The following SVEP1 variants were observed in gnomAD, a reference collection of about 807,000 sequenced individuals.
SVEP1 encodes the protein sushi, von Willebrand factor type A, EGF and pentraxin domain-containing protein 1.
A neutral mutation model predicts 367.3 loss-of-function variants in SVEP1; 164 were observed. The observed-to-expected ratio is 0.45, with a 90% CI of 0.39 to 0.51. The LOEUF is 0.51. SVEP1 is among the 20% of genes least tolerant of loss of function. The pLI, the probability that SVEP1 is intolerant of heterozygous loss-of-function variation, is 0.00. For synonymous variants in SVEP1, 1,666 were observed against 1,611.6 expected (o/e 1.03, Z -0.81); for missense variants, 4,117 against 4,425.3 (o/e 0.93, Z 1.98).
intron 3 of SVEP1, among the ~76,000 whole-genome samples, chr9:110,526,511 T>A (rs1829941179): frequency 6.6e-6 from 1 of 151,864 alleles, no homozygotes; most frequent in Admixed American, 6.6e-5. Flanking sequence ...ATAGCTAAAA[T>A]GAAAAATAGT....
intron 8 of SVEP1, among the ~76,000 whole-genome samples, chr9:110,491,158 CTGTT>C (rs1464291215): frequency 6.6e-6 from 1 of 151,662 alleles, no homozygotes; most frequent in Non-Finnish European, 1.5e-5. Context: ...CTGCATCATT[CTGTT>C]TATTTTTATT....
intron 18 of SVEP1, among the ~76,000 whole-genome samples, chr9:110,462,003 C>T (rs547764749): frequency 1.3e-5 from 2 of 152,206 alleles, no homozygotes; most frequent in South Asian, 4.1e-4. Context: ...AACTTACACA[C>T]AGCTAATTAG....
At chr9:110,509,400 T>C (rs187143687) in intron 5 of SVEP1, among the ~76,000 whole-genome samples, 22 of 152,358 alleles carry the variant, frequency 1.4e-4, no homozygotes, top group African/African-American at 1.9e-4. Context: ...CTTTGTATAC[T>C]GGTAAGTTAG....
At chr9:110,477,959 T>C (rs1252502513) in intron 13 of SVEP1, among the ~76,000 whole-genome samples, 1 of 152,160 alleles carries the variant, frequency 6.6e-6, no homozygotes, top group Non-Finnish European at 1.5e-5. Flanking sequence ...ATAGTGACTT[T>C]CAAGGCTCTC....
Position 110,408,422 on chromosome 9 carries a change from A to G in SVEP1, c.7178T>C (p.Ile2393Thr). 6.2e-7 allele frequency: 1 copy of G among 1,613,974 alleles called. No individual in the cohort carries two copies. Among genetic ancestry groups the G allele is most frequent in the Non-Finnish European group, 8.5e-7 (1 of 1,179,878 alleles). Reference protein sequence around the residue: ...PPPLISFGVPIPSSALHFGST... With the variant: ...PPPLISFGVPTPSSALHFGST... ...TCCAAAATGAAGAGCAGAAGAAGGA[A>G]TGGGGACACCAAAGGAAATTAGGGG... The change falls in exon 38 of 48, where the codon ATT becomes ACT. Residue 2393 changes from isoleucine to threonine, a missense_variant. Around this residue, in one of 4 missense-constraint regions of SVEP1, gnomAD observed 1,765 missense variants for 1,781.1 expected, o/e 0.99. Transcript: ENST00000374469.
rs558362408 is a variant in SVEP1 at position 110,416,402 on chromosome 9, C to A, written c.5976-4667G>T. ...AACAATGGACATATTCAAAAACAGGCTACAGATATTAGAAGAAAAATCAGT... is the reference window on the plus strand; with the variant it reads ...AACAATGGACATATTCAAAAACAGGATACAGATATTAGAAGAAAAATCAGT... On this transcript the variant is annotated intron_variant, in intron 36 of 47. Transcript: ENST00000374469. Among the ~76,000 whole-genome samples the A allele has an allele frequency of 2.6e-5, 4 of 151,714 alleles. No homozygotes were observed. In the East Asian group the frequency reaches 7.7e-4, roughly 29 times the overall value.
intron 42 of SVEP1, 94 bp downstream of exon 42, chr9:110,387,191 C>A (rs1827538075): frequency 1.5e-6 from 2 of 1,328,766 alleles, no homozygotes; most frequent in African/African-American, 3.0e-5. Flanking sequence ...GGCCCATATC[C>A]CTTATGAGTG....
intron 40 of SVEP1, among the ~76,000 whole-genome samples, chr9:110,400,184 C>T (rs1208880155): frequency 1.3e-5 from 2 of 152,196 alleles, no homozygotes; most frequent in Non-Finnish European, 2.9e-5. Context: ...CTTTGCATAC[C>T]TAAATCCTTG....
intron 16 of SVEP1, among the ~76,000 whole-genome samples, chr9:110,470,899 G>T (rs1354250433): frequency 6.6e-6 from 1 of 151,950 alleles, no homozygotes; most frequent in Non-Finnish European, 1.5e-5. Flanking sequence ...ATTTACATTA[G>T]GTATATCTCC....
At chr9:110,383,837 C>T (rs1827480915) in intron 43 of SVEP1, among the ~76,000 whole-genome samples, 2 of 112,174 alleles carry the variant, frequency 1.8e-5, no homozygotes, top group Admixed American at 9.6e-5. Context: ...TCCTGCTTAG[C>T]GAGGAGGAAG....
rs148796377 is a variant in SVEP1 at position 110,562,809 on chromosome 9, C to G, written c.532-12705G>C. On this transcript the variant is annotated intron_variant, in intron 1 of 47. Coordinates refer to ENST00000374469, the MANE Select transcript of SVEP1 (RefSeq NM_153366.4). ...GTTCAAATGATTCTCACTAACTCAGCCTCCCAAGTAGTTGGGATTACAGGT... is the reference window on the plus strand; with the variant it reads ...GTTCAAATGATTCTCACTAACTCAGGCTCCCAAGTAGTTGGGATTACAGGT... Among the ~76,000 whole-genome samples the G allele has an allele frequency of 1.1e-3, 172 of 152,252 alleles. 1 individual carries two copies. Among genetic ancestry groups the G allele is most frequent in the African/African-American group, 4.0e-3 (166 of 41,554 alleles).
chr9:110,509,181 G>A (rs1829672308), intron 5 of SVEP1, among the ~76,000 whole-genome samples: 1 of 152,138 alleles, frequency 6.6e-6, no homozygotes, highest in African/African-American at 2.4e-5. Flanking sequence ...CAATTAAAGG[G>A]TTTGCTGCAA....
Position 110,408,925 on chromosome 9 carries a change from A to G in SVEP1, c.6675T>C (p.Ser2225=). The change falls in exon 38 of 48, where the codon AGT becomes AGC. Residue 2225 remains serine, a synonymous_variant. Transcript: ENST00000374469. ...LEHTTGRIFE[S]EVRYQCNPGY... ...CCGGGTTACACTGATACCTCACTTC[A>G]CTCTCAAAGATCCTGCCAGTTGTAT... 4 of 1,593,466 alleles carry G rather than the reference A, an allele frequency of 2.5e-6. No individual in the cohort carries two copies. Among genetic ancestry groups the G allele is most frequent in the Admixed American group, 3.5e-5 (2 of 57,828 alleles).
intron 3 of SVEP1, among the ~76,000 whole-genome samples, chr9:110,520,355 C>T (rs1178619162): frequency 3.3e-5 from 5 of 152,118 alleles, no homozygotes; most frequent in Non-Finnish European, 7.4e-5. Flanking sequence ...CACAAGTCTC[C>T]GTAAAGGGCT....
intron 10 of SVEP1, 118 bp from the exon 11 acceptor site, chr9:110,482,610 T>A: frequency 8.4e-7 from 1 of 1,186,900 alleles, no homozygotes; most frequent in Non-Finnish European, 1.1e-6. Context: ...CACTGCAACC[T>A]CCACCTCCCA....
chr9:110,504,777 C>G (rs1829597479), intron 5 of SVEP1, among the ~76,000 whole-genome samples: 1 of 151,892 alleles, frequency 6.6e-6, no homozygotes, highest in Non-Finnish European at 1.5e-5. Context: ...TTGATACCAG[C>G]TATACACAAT....
chr9:110,471,639 G>A (rs745440387), intron 15 of SVEP1, 42 bp from the exon 16 acceptor site: 115 of 1,430,802 alleles, frequency 8.0e-5, no homozygotes, highest in Non-Finnish European at 1.1e-4. Flanking sequence ...AACACATGGT[G>A]TTTCAGAAAG....
At chr9:110,569,239 C>G (rs1830526412) in intron 1 of SVEP1, among the ~76,000 whole-genome samples, 1 of 152,074 alleles carries the variant, frequency 6.6e-6, no homozygotes, top group African/African-American at 2.4e-5. Context: ...GGCAGATCAC[C>G]TGAGGTCGGG....
intron 5 of SVEP1, among the ~76,000 whole-genome samples, chr9:110,507,884 C>T (rs1020258596): frequency 5.9e-5 from 9 of 152,138 alleles, no homozygotes; most frequent in South Asian, 2.1e-4. Context: ...TAACCTGAGA[C>T]AAAATGGATT....
Sources: gnomAD v4.1 joint callset for allele counts (sites outside exome capture counted in the v4.1 genomes callset) on GRCh38, gnomAD v4.1.1 for gene constraint, gnomAD v4.1.1 regional missense constraint, MANE v1.5 for transcripts, NCBI Gene and HGNC (gene_info 2026-07-23, HGNC 2026-07-21) for gene names.